ATRN: variants seen among roughly 807,000 people sequenced by gnomAD.
ATRN encodes attractin-2.
A neutral mutation model predicts 178.7 loss-of-function variants in ATRN; 54 were observed. The ratio of observed to expected loss-of-function variants is 0.30; its 90% confidence interval spans 0.24 to 0.38. The LOEUF is 0.38. Ranked by LOEUF, ATRN falls within the 10% of genes least tolerant of loss-of-function variation. The pLI is 1.00. For missense variants in ATRN, 1,443 were observed against 1,815.1 expected (o/e 0.79, Z 3.73); for synonymous variants, 636 against 663.0 (o/e 0.96, Z 0.63).
In ATRN at chr20:3,644,514, C is replaced by G. The variant is rs913749429; in HGVS notation, c.4165+246C>G. On this transcript the variant is annotated intron_variant, in intron 28 of 28. Transcript: ENST00000262919. ...CTCACCGTTCTGGCCTCCCCAGCCT[C>G]TCAGTGCTCGTGGATGCCTCTGACC... Among the ~76,000 whole-genome samples the G allele has an allele frequency of 6.6e-5, 10 of 152,358 alleles. No individual in the cohort carries two copies. In the South Asian group the frequency reaches 2.1e-3, roughly 32 times the overall value.
intron 8 of ATRN, among the ~76,000 whole-genome samples, chr20:3,561,717 T>A (rs979408401): frequency 1.3e-5 from 2 of 152,222 alleles, no homozygotes; most frequent in Non-Finnish European, 1.5e-5. Context: ...GGGAATTAAA[T>A]GTTCATTTGA....
chr20:3,579,732 C>G (rs976847190), intron 15 of ATRN, among the ~76,000 whole-genome samples: 2 of 152,144 alleles, frequency 1.3e-5, no homozygotes, highest in Non-Finnish European at 2.9e-5. Flanking sequence ...ACTCATAGAA[C>G]AAAGCTCTTT....
chr20:3,639,166 A>G (rs964580927), intron 27 of ATRN, among the ~76,000 whole-genome samples: 2 of 152,180 alleles, frequency 1.3e-5, no homozygotes, highest in African/African-American at 4.8e-5. Context: ...TAAAATCTAA[A>G]TGATTTGTCT....
rs538857385 is a variant in ATRN at position 3,537,718 on chromosome 20, G to A, written c.494+2382G>A. On this transcript the variant is annotated intron_variant, in intron 2 of 28. Transcript: ENST00000262919. ...GATGTTCCCCTTCCTATGTCCAAGT[G>A]TTCTCATTGTCCTATTCCCACCTAT... Among the ~76,000 whole-genome samples, 306 of 148,808 alleles carry A rather than the reference G, an allele frequency of 2.1e-3. 2 individuals carry two copies. Among genetic ancestry groups the A allele is most frequent in the Admixed American group, 6.0e-3 (90 of 14,922 alleles).
chr20:3,619,823 G>A (rs916234479), intron 24 of ATRN, among the ~76,000 whole-genome samples: 4 of 152,136 alleles, frequency 2.6e-5, no homozygotes, highest in East Asian at 1.9e-4. Context: ...ATCTTCAGTC[G>A]CTGACTGCTG....
chr20:3,602,222 C>G (rs1208110548), intron 23 of ATRN, among the ~76,000 whole-genome samples: 3 of 151,780 alleles, frequency 2.0e-5, no homozygotes, highest in Non-Finnish European at 4.4e-5. Context: ...CCCAGCTACT[C>G]AGGAGGCTGA....
At chr20:3,531,080 C>T (rs2045094099) in intron 1 of ATRN, among the ~76,000 whole-genome samples, 1 of 152,176 alleles carries the variant, frequency 6.6e-6, no homozygotes, top group African/African-American at 2.4e-5. Flanking sequence ...CATGCCCACA[C>T]CTAGATTATC....
intron 20 of ATRN, 41 bp from the exon 21 acceptor site, chr20:3,596,336 G>T: frequency 1.3e-6 from 2 of 1,565,678 alleles, no homozygotes; most frequent in Non-Finnish European, 1.8e-6. Context: ...TTCAGTTTCT[G>T]TTTTAAATAG....
At chr20:3,607,787 T>C (rs1158667796) in intron 24 of ATRN, among the ~76,000 whole-genome samples, 1 of 152,160 alleles carries the variant, frequency 6.6e-6, no homozygotes, top group Non-Finnish European at 1.5e-5. Context: ...ATGAGCAGTC[T>C]TCATACTGTC....
chr20:3,625,491 G>C (rs539504610), intron 25 of ATRN, among the ~76,000 whole-genome samples: 1 of 152,022 alleles, frequency 6.6e-6, no homozygotes, highest in South Asian at 2.1e-4. Context: ...CCATGTTTTG[G>C]CTTTTTAATT....
chr20:3,617,372 A>T (rs235525), intron 24 of ATRN, among the ~76,000 whole-genome samples: 24,067 of 152,184 alleles, frequency 0.16, 2,032 homozygotes, highest in African/African-American at 0.18. Context: ...GGGTCTGGGG[A>T]ATGCTTCAAA....
chr20:3,577,148 T>A, intron 14 of ATRN, 151 bp downstream of exon 14: 2 of 937,528 alleles, frequency 2.1e-6, no homozygotes, highest in South Asian at 1.9e-5. Context: ...TTTTTTGTTT[T>A]TAACTAAAAT....
Position 3,560,655 on chromosome 20 carries a change from T to TTG in ATRN, c.1204-6_1204-5insGT. 6.3e-7 allele frequency: 1 copy of TTG among 1,598,874 alleles called. No homozygotes were observed. The highest frequency in any genetic ancestry group is 8.6e-7 in the Non-Finnish European group (1 of 1,168,212). On this transcript the variant is annotated splice_polypyrimidine_tract_variant and splice_region_variant and intron_variant, in intron 7 of 28. Coordinates refer to ENST00000262919, the MANE Select transcript of ATRN (RefSeq NM_139321.3). Reference sequence around the variant, plus strand: ...TTTTAAAAATTTTGTTTGCATTTTTTTCCTAGGATAAAATTTACATGTATG... The same window carrying TTG: ...TTTTAAAAATTTTGTTTGCATTTTTTTGTCCTAGGATAAAATTTACATGTATG...
At chr20:3,505,456 C>T (rs2085029963) in intron 1 of ATRN, among the ~76,000 whole-genome samples, 1 of 152,234 alleles carries the variant, frequency 6.6e-6, no homozygotes, top group Admixed American at 6.5e-5. Context: ...CGTGGGACTT[C>T]TCAGCTCCTG....
At chr20:3,504,193 A>G (rs896246660) in intron 1 of ATRN, among the ~76,000 whole-genome samples, 1 of 152,186 alleles carries the variant, frequency 6.6e-6, no homozygotes, top group Non-Finnish European at 1.5e-5. Context: ...ATTGTGCCTC[A>G]GGAACTAGAG....
chr20:3,516,235 G>T (rs2085204719), intron 1 of ATRN, among the ~76,000 whole-genome samples: 1 of 152,208 alleles, frequency 6.6e-6, no homozygotes, highest in African/African-American at 2.4e-5. Flanking sequence ...AGTGCGGAGA[G>T]TCTGTATGAG....
intron 26 of ATRN, among the ~76,000 whole-genome samples, chr20:3,635,014 TG>T (rs1000262117): frequency 6.6e-6 from 1 of 152,094 alleles, no homozygotes; most frequent in Non-Finnish European, 1.5e-5. Context: ...ATGTGGGGTG[TG>T]TATGTGCGTG....
chr20:3,606,984 T>G (rs1436497851), intron 24 of ATRN, among the ~76,000 whole-genome samples: 1 of 152,246 alleles, frequency 6.6e-6, no homozygotes, highest in African/African-American at 2.4e-5. Flanking sequence ...GTGGAGATAC[T>G]TTTTAGCTGC....
intron 25 of ATRN, among the ~76,000 whole-genome samples, chr20:3,628,038 G>C (rs1274419963): frequency 1.3e-5 from 2 of 152,146 alleles, no homozygotes; most frequent in African/African-American, 4.8e-5. Context: ...CAGGCGCGGT[G>C]GTGGGCGCCT....
Sources: allele counts gnomAD v4.1 joint callset (sites outside exome capture counted in the v4.1 genomes callset), GRCh38; gene constraint gnomAD v4.1.1; transcripts MANE v1.5; gene names NCBI Gene and HGNC (gene_info 2026-07-23, HGNC 2026-07-21).